The following SLC1A5 variants were observed in gnomAD, a reference collection of about 807,000 sequenced individuals.
The protein encoded by SLC1A5 is solute carrier family 1 member 5.
SLC1A5 carries 25 observed loss-of-function variants against 34.9 expected under a neutral mutation model. That is an observed-to-expected ratio of 0.72 (90% CI 0.52 to 1.00). SLC1A5 has a LOEUF of 1.00. SLC1A5 is among the 50% of genes least tolerant of loss of function. The pLI, the probability that SLC1A5 is intolerant of heterozygous loss-of-function variation, is 0.00. For missense variants in SLC1A5, 637 were observed against 740.0 expected (o/e 0.86, Z 1.61); for synonymous variants, 351 against 341.2 (o/e 1.03, Z -0.32).
Position 46,788,291 on chromosome 19 carries a change from C to T in SLC1A5, c.-326G>A. The T allele has an allele frequency of 3.2e-6, 1 of 311,398 alleles. No individual in the cohort carries two copies. The highest frequency in any genetic ancestry group is 5.7e-5 in the East Asian group (1 of 17,474). 19.3% of individuals were successfully genotyped at this position (311,398 alleles called of 1,614,324 possible). ...AGTTTCTCTGGGTGGGACGTGGGGC[C>T]CTTGGCTCCAGGAGGTTGAGTGCCC... On this transcript the variant is annotated 5_prime_UTR_variant, in exon 1 of 8. Transcript: ENST00000542575.
At chr19:46,786,209 C>A (rs775276846) in intron 1 of SLC1A5, among the ~76,000 whole-genome samples, 6 of 152,114 alleles carry the variant, frequency 3.9e-5, no homozygotes, top group Non-Finnish European at 7.3e-5. Flanking sequence ...ACACAGTGAG[C>A]GTGTGTATGA....
chr19:46,786,851 CG>C (rs2055190340), intron 1 of SLC1A5, among the ~76,000 whole-genome samples: 1 of 152,140 alleles, frequency 6.6e-6, no homozygotes, highest in South Asian at 2.1e-4. Flanking sequence ...AAAGGGGAAG[CG>C]GCCAGACCCC....
chr19:46,782,345 A>ACCCCCCCCCCCCCCCCCCCCCACAC, intron 4 of SLC1A5, 38 bp downstream of exon 4: 1 of 292,428 alleles, frequency 3.4e-6, no homozygotes. Flanking sequence ...CCGACCCTCC[A>ACCCCCCCCCCCCCCCCCCCCCACAC]ACCCCACCCA....
Position 46,777,077 on chromosome 19 carries a change from G to A in SLC1A5, c.1286C>T (p.Ala429Val), listed in dbSNP as rs144030682. The A allele has an allele frequency of 6.4e-5, 104 of 1,613,942 alleles. No individual in the cohort carries two copies. Among genetic ancestry groups the A allele is most frequent in the Middle Eastern group, 4.9e-4 (3 of 6,062 alleles). The change falls in exon 7 of 8, where the codon GCG (alanine) becomes GTG (valine). Residue 429 changes from alanine to valine, a missense_variant. Coordinates refer to ENST00000542575, the MANE Select transcript of SLC1A5 (RefSeq NM_005628.3). ...GAGGACACCTCCAGCAGGGATGCCC[G>A]CTGCCCCCACGCTGGACGCTGTGGC... is the stretch of plus-strand genomic sequence containing the variant. ...VTATASSVGA[A>V]GIPAGGVLTL...
chr19:46,783,361 G>T (rs1376314406), intron 3 of SLC1A5, among the ~76,000 whole-genome samples: 2 of 151,698 alleles, frequency 1.3e-5, no homozygotes, highest in Admixed American at 6.6e-5. Flanking sequence ...TACTCAGGAG[G>T]CTGAGGCAAG....
At chr19:46,780,030 T>C (rs2055133390) in intron 4 of SLC1A5, among the ~76,000 whole-genome samples, 1 of 152,030 alleles carries the variant, frequency 6.6e-6, no homozygotes, top group Non-Finnish European at 1.5e-5. Flanking sequence ...TTTTTTGTAT[T>C]TTTAGTAGAG....
rs369650683 is a variant in SLC1A5, at chr19:46,784,129, C to T, written c.625G>A (p.Glu209Lys). 1.1e-5 allele frequency: 18 copies of T among 1,613,374 alleles called. No individual in the cohort carries two copies. The highest frequency in any genetic ancestry group is 1.5e-5 in the Non-Finnish European group (18 of 1,179,522). ...CTGGTTCCGGTGATATTCCTCTCTT[C>T]ATAGGTGGTAGAGTACTGTAGGTGG... ...AAFRSYSTTY[E>K]ERNITGTRVK... The change falls in exon 3 of 8, where the codon GAA becomes AAA. Residue 209 changes from glutamate (E) to lysine (K), a missense_variant. Glu to Lys is a moderately conservative substitution (Grantham distance 56). Coordinates refer to ENST00000542575, the MANE Select transcript of SLC1A5 (RefSeq NM_005628.3).
At chr19:46,780,971 C>CTAAA (rs752764798) in intron 4 of SLC1A5, among the ~76,000 whole-genome samples, 9 of 151,678 alleles carry the variant, frequency 5.9e-5, no homozygotes, top group African/African-American at 1.5e-4. Context: ...GACTCTGTCT[C>CTAAA]TAAATAAATA....
Position 46,777,069 on chromosome 19 carries a change from G to A in SLC1A5, c.1294C>T (p.Pro432Ser). The change falls in exon 7 of 8, where the codon CCT becomes TCT. Residue 432 changes from proline (P) to serine (S), a missense_variant. Physicochemically the swap from Pro to Ser is moderately conservative, Grantham distance 74. Transcript: ENST00000542575. ...GCCAGAGTGAGGACACCTCCAGCAG[G>A]GATGCCCGCTGCCCCCACGCTGGAC... ...TASSVGAAGIPAGGVLTLAII... is the reference protein window; with the variant it reads ...TASSVGAAGISAGGVLTLAII... The A allele has an allele frequency of 6.2e-7, 1 of 1,614,018 alleles. No homozygotes were observed. Among genetic ancestry groups the A allele is most frequent in the Non-Finnish European group, 8.5e-7 (1 of 1,180,008 alleles).
intron 3 of SLC1A5, 22 bp downstream of exon 3, chr19:46,784,075 C>T (rs200103175): frequency 1.1e-5 from 17 of 1,604,316 alleles, no homozygotes; most frequent in African/African-American, 2.7e-5. Context: ...GTAGAGCCCC[C>T]GCTGCCTCCC....
chr19:46,785,169 C>A (rs2055178108), intron 1 of SLC1A5, among the ~76,000 whole-genome samples: 1 of 152,154 alleles, frequency 6.6e-6, no homozygotes, highest in African/African-American at 2.4e-5. Flanking sequence ...ATCGCTTGAG[C>A]CAGGAGTTGA....
chr19:46,776,044 T>C (rs2055085836), intron 7 of SLC1A5, among the ~76,000 whole-genome samples: 1 of 151,128 alleles, frequency 6.6e-6, no homozygotes, highest in Admixed American at 6.6e-5. Flanking sequence ...CATGATCACA[T>C]CACTACACTC....
chr19:46,782,346 A>AGC, intron 4 of SLC1A5, 37 bp downstream of exon 4: 2 of 567,982 alleles, frequency 3.5e-6, no homozygotes, highest in East Asian at 3.6e-5. Context: ...CGACCCTCCA[A>AGC]CCCCACCCAC....
intron 7 of SLC1A5, 60 bp downstream of exon 7, chr19:46,776,915 A>T: frequency 6.5e-7 from 1 of 1,546,848 alleles, no homozygotes. Context: ...ACTCTCACTC[A>T]CTCATCCTCT....
At chr19:46,779,791 G>A (rs2055130627) in intron 4 of SLC1A5, among the ~76,000 whole-genome samples, 1 of 152,006 alleles carries the variant, frequency 6.6e-6, no homozygotes, top group African/African-American at 2.4e-5. Context: ...CCAGCATGCA[G>A]GGAGGTGAAG....
intron 1 of SLC1A5, among the ~76,000 whole-genome samples, chr19:46,785,667 C>T (rs1024619081): frequency 6.6e-6 from 1 of 152,306 alleles, no homozygotes; most frequent in South Asian, 2.1e-4. Context: ...ACGCCATGTG[C>T]CCATATACAA....
At chr19:46,781,390 G>A (rs1228352802) in intron 4 of SLC1A5, among the ~76,000 whole-genome samples, 1 of 152,138 alleles carries the variant, frequency 6.6e-6, no homozygotes, top group African/African-American at 2.4e-5. Flanking sequence ...CCTGAGGTCG[G>A]GAGTTTGAGA....
At chr19:46,782,346 A>AACCCCCCCCCCCCCCCCCCCCCCTCCCC in intron 4 of SLC1A5, 37 bp downstream of exon 4, 1 of 567,982 alleles carries the variant, frequency 1.8e-6, no homozygotes, top group South Asian at 1.8e-5. Context: ...CGACCCTCCA[A>AACCCCCCCCCCCCCCCCCCCCCCTCCCC]CCCCACCCAC....
rs1012474872 is a variant in SLC1A5, at chr19:46,775,485, G to T, written c.*25C>A. On this transcript the variant is annotated 3_prime_UTR_variant, in exon 8 of 8. Transcript: ENST00000542575. ...CAGTGTCCAAAGAGCACCCCCAGCA[G>T]GGCAGGGAAGGTCCCTCCCGGGGTT... is the stretch of plus-strand genomic sequence containing the variant. 1.6e-5 allele frequency: 25 copies of T among 1,586,356 alleles called. 1 individual carries two copies. In the Middle Eastern group the frequency reaches 6.8e-4, roughly 43 times the overall value.
Sources: allele counts gnomAD v4.1 joint callset (sites outside exome capture counted in the v4.1 genomes callset), GRCh38; gene constraint gnomAD v4.1.1; transcripts MANE v1.5; gene names NCBI Gene and HGNC (gene_info 2026-07-23, HGNC 2026-07-21).